The following CCT4 variants were observed in gnomAD, a reference collection of about 807,000 sequenced individuals.
The protein encoded by CCT4 is chaperonin containing TCP1 subunit 4.
Under a neutral mutation model 62.5 loss-of-function variants are expected in CCT4, and 17 were observed. The observed-to-expected ratio is 0.27, with a 90% CI of 0.19 to 0.41. The LOEUF (loss-of-function observed/expected upper bound fraction) is 0.41, where lower values mean the gene tolerates loss of function less well. Ranked by LOEUF, CCT4 falls within the 10% of genes least tolerant of loss-of-function variation. CCT4 has a pLI of 1.00. For missense variants in CCT4, 592 were observed against 659.2 expected (o/e 0.90, Z 1.12); for synonymous variants, 250 against 229.9 (o/e 1.09, Z -0.79).
intron 12 of CCT4, among the ~76,000 whole-genome samples, chr2:61,869,896 T>G (rs1668849042): frequency 6.7e-6 from 1 of 149,290 alleles, no homozygotes; most frequent in Non-Finnish European, 1.5e-5. Context: ...CCTCCCAAAG[T>G]GCTGGGATTA....
At chr2:61,880,535 C>A in intron 3 of CCT4, 141 bp from the exon 4 acceptor site, 1 of 613,508 alleles carries the variant, frequency 1.6e-6, no homozygotes, top group South Asian at 2.0e-5. Flanking sequence ...TGTTGTCTAC[C>A]TTGGGTTTCA....
Position 61,869,557 on chromosome 2 carries a change from C to A in CCT4, c.1492-4G>T, listed in dbSNP as rs769635022. On this transcript the variant is annotated splice_region_variant and splice_polypyrimidine_tract_variant and intron_variant, in intron 12 of 13. Transcript: ENST00000394440. ...CCAAAATGTTGGAAATACCACCCTG[C>A]AAATCAAATCAGCACAAGTTGCTTT... 1.4e-5 allele frequency: 21 copies of A among 1,528,170 alleles called. No individual in the cohort carries two copies. The African/African-American group carries it at 1.5e-4, about 11-fold the overall frequency. 94.7% of individuals were successfully genotyped at this position (1,528,170 alleles called of 1,614,324 possible).
At chr2:61,869,965 T>C (rs1481322975) in intron 12 of CCT4, among the ~76,000 whole-genome samples, 3 of 149,198 alleles carry the variant, frequency 2.0e-5, no homozygotes, top group Non-Finnish European at 4.4e-5. Context: ...ATTAGCAAAA[T>C]GATCACAGTA....
chr2:61,886,766 T>C (rs1479936427), intron 1 of CCT4, among the ~76,000 whole-genome samples: 1 of 142,824 alleles, frequency 7.0e-6, no homozygotes, highest in Non-Finnish European at 1.5e-5. Context: ...CAAATTTATC[T>C]TTTTTTTTTT....
Position 61,880,540 on chromosome 2 carries a change from GTTTCATT to G in CCT4, c.271-153_271-147del. The G allele has an allele frequency of 1.0e-5, 6 of 600,568 alleles. 1 individual carries two copies. The South Asian group carries it at 1.3e-4, about 13-fold the overall frequency. The allele number at this position is 600,568 out of a possible 1,614,324, so 37.2% of individuals were successfully genotyped here. A position where few individuals can be genotyped will look rare whatever the true frequency, so the allele number is the denominator to read the frequency against. On this transcript the variant is annotated intron_variant, in intron 3 of 13. Transcript: ENST00000394440. ...TCTTCTGATTTGTTGTCTACCTTGG[GTTTCATT>G]TAAAATTAAAGACTAGTAGATGATC...
chr2:61,878,684 C>T (rs1881615), intron 5 of CCT4, among the ~76,000 whole-genome samples, 185 bp downstream of exon 5: 149,092 of 152,332 alleles, frequency 0.98, 72,971 homozygotes, highest in East Asian at 1. Context: ...TATTAAATAT[C>T]CTAACTCCTT....
intron 2 of CCT4, 114 bp from the exon 3 acceptor site, chr2:61,883,662 AT>A: frequency 3.1e-6 from 2 of 640,186 alleles, no homozygotes. Context: ...TTAATTTTAA[AT>A]TCTCTTCCCT....
intron 3 of CCT4, among the ~76,000 whole-genome samples, chr2:61,882,567 G>A (rs1262872330): frequency 6.6e-6 from 1 of 151,720 alleles, no homozygotes; most frequent in African/African-American, 2.4e-5. Flanking sequence ...CCAGGCTGGA[G>A]TGCAGTGGCG....
intron 4 of CCT4, 136 bp from the exon 5 acceptor site, chr2:61,879,147 T>C: frequency 1.6e-6 from 1 of 617,242 alleles, no homozygotes; most frequent in South Asian, 2.2e-5. Flanking sequence ...GCTTCAGTTG[T>C]AATATAGTGG....
chr2:61,873,097 G>A lies in CCT4; in HGVS notation c.1030C>T (p.Pro344Ser). ...GTAAATTGGTCAATATGAGCAACTG[G>A]CTTGGTTCCAATTGTCTGGAAAAAA... is the stretch of plus-strand genomic sequence containing the variant. The part of the protein sequence containing the change: ...EFICKTIGTK[P>S]VAHIDQFTAD... Residue 344 changes from proline to serine, a missense_variant, in exon 10 of 14, where the codon CCA becomes TCA. Transcript: ENST00000394440. The A allele has an allele frequency of 6.2e-7, 1 of 1,607,818 alleles. No homozygotes were observed. The highest frequency in any genetic ancestry group is 8.5e-7 in the Non-Finnish European group (1 of 1,174,270).
Position 61,878,958 on chromosome 2 carries a change from T to A in CCT4, c.433A>T (p.Ile145Phe). ...ESFQKALEKG[I>F]EILTDMSRPV... is the part of the protein sequence containing the mutation. ...CGAGACATGTCAGTCAAGATTTCAA[T>A]GCCCTTTTCCAGGGCCTTCTGGAAT... The change falls in exon 5 of 14, where the codon ATT (isoleucine) becomes TTT (phenylalanine). Residue 145 changes from isoleucine (I) to phenylalanine (F), a missense_variant. By Grantham distance (21) the Ile-to-Phe change is conservative. Around this residue, in one of 3 missense-constraint regions of CCT4, gnomAD observed 522 missense variants for 571.2 expected, o/e 0.91. Coordinates refer to ENST00000394440, the MANE Select transcript of CCT4 (RefSeq NM_006430.4). 6.2e-7 allele frequency: 1 copy of A among 1,611,052 alleles called. No individual in the cohort carries two copies. Among genetic ancestry groups the A allele is most frequent in the Non-Finnish European group, 8.5e-7 (1 of 1,178,180 alleles).
In CCT4 at chr2:61,877,414, A is replaced by G. The variant is rs770338304; in HGVS notation, c.623T>C (p.Ile208Thr). ...ATATSVDLRDIKIVKKLGGTI... is the reference protein window; with the variant it reads ...ATATSVDLRDTKIVKKLGGTI... The stretch of plus-strand genomic sequence containing the variant: ...TTACCCAAGCTTCTTAACTATTTTA[A>G]TATCTCTAAGATCTACACTGGTGGC... The change falls in exon 6 of 14, where the codon ATT becomes ACT. Residue 208 changes from isoleucine (I) to threonine (T), a missense_variant. By Grantham distance (89) the Ile-to-Thr change is moderately conservative (BLOSUM62 -1). Transcript: ENST00000394440. 1.6e-5 allele frequency: 25 copies of G among 1,563,042 alleles called. No homozygotes were observed. The highest frequency in any genetic ancestry group is 7.1e-5 in the Admixed American group (4 of 56,368).
intron 5 of CCT4, 127 bp downstream of exon 5, chr2:61,878,742 T>C (rs1211638111): frequency 1.8e-5 from 10 of 558,078 alleles, no homozygotes; most frequent in Middle Eastern, 4.8e-4. Context: ...ACCAATTCAA[T>C]TATACAGATT....
At chr2:61,877,301 T>C (rs1669021342) in intron 6 of CCT4, 92 bp downstream of exon 6, 1 of 1,269,096 alleles carries the variant, frequency 7.9e-7, no homozygotes. Flanking sequence ...AAAAGAGAGC[T>C]TTGTGACTTT....
At chr2:61,886,298 G>C (rs1446073101) in intron 1 of CCT4, among the ~76,000 whole-genome samples, 1 of 152,122 alleles carries the variant, frequency 6.6e-6, no homozygotes, top group East Asian at 1.9e-4. Context: ...GTCCCAGCTA[G>C]CTACTCGGGA....
chr2:61,869,787 C>T (rs1283588253), intron 12 of CCT4, among the ~76,000 whole-genome samples: 2 of 151,976 alleles, frequency 1.3e-5, no homozygotes, highest in Non-Finnish European at 2.9e-5. Context: ...GCGCCCACCA[C>T]CATGCCCGGC....
intron 8 of CCT4, 109 bp from the exon 9 acceptor site, chr2:61,873,402 T>G: frequency 1.7e-6 from 1 of 602,912 alleles, no homozygotes; most frequent in Non-Finnish European, 3.0e-6. Flanking sequence ...TCATTATTTC[T>G]GAAGAAAAAT....
At chr2:61,880,956 C>T (rs996517674) in intron 3 of CCT4, among the ~76,000 whole-genome samples, 1 of 152,116 alleles carries the variant, frequency 6.6e-6, no homozygotes, top group Non-Finnish European at 1.5e-5. Flanking sequence ...AACTCCTGGG[C>T]TCAAAGGATC....
chr2:61,874,310 G>A (rs1231307430), intron 8 of CCT4, among the ~76,000 whole-genome samples: 1 of 152,040 alleles, frequency 6.6e-6, no homozygotes, highest in Admixed American at 6.6e-5. Flanking sequence ...TGGAGTAAAT[G>A]GGAATGCGTC....
Sources: allele counts gnomAD v4.1 joint callset (sites outside exome capture counted in the v4.1 genomes callset), GRCh38; gene constraint gnomAD v4.1.1; regional missense constraint gnomAD v4.1.1; transcripts MANE v1.5; gene names NCBI Gene and HGNC (gene_info 2026-07-23, HGNC 2026-07-21).